The following ITGA11 variants were observed in gnomAD, a reference collection of about 807,000 sequenced individuals.
The protein encoded by ITGA11 is integrin alpha-11.
A neutral mutation model predicts 141.9 loss-of-function variants in ITGA11; 97 were observed. The ratio of observed to expected loss-of-function variants is 0.68; its 90% confidence interval spans 0.58 to 0.81. The LOEUF (loss-of-function observed/expected upper bound fraction) is 0.81. Among genes scored for constraint, ITGA11 ranks in the 30% least tolerant of loss-of-function variants. The pLI is 0.00. For missense variants in ITGA11, 1,387 were observed against 1,559.2 expected (o/e 0.89, Z 1.86); for synonymous variants, 658 against 624.6 (o/e 1.05, Z -0.80).
intron 2 of ITGA11, among the ~76,000 whole-genome samples, chr15:68,369,717 T>C (rs1895529463): frequency 6.6e-6 from 1 of 152,244 alleles, no homozygotes. Context: ...TGTCATTACC[T>C]GAAAGGGCCC....
At chr15:68,371,957 T>C (rs561638689) in intron 2 of ITGA11, among the ~76,000 whole-genome samples, 3 of 152,136 alleles carry the variant, frequency 2.0e-5, no homozygotes, top group African/African-American at 7.2e-5. Flanking sequence ...CAGACCTCAT[T>C]TCTCTGGGAG....
At position 68,303,075 on chromosome 15, in the gene ITGA11, G is replaced by A. The variant is rs996887406; in HGVS notation, c.3551C>T (p.Pro1184Leu). 2 of 1,550,010 alleles carry A rather than the reference G, an allele frequency of 1.3e-6. No homozygotes were observed. Among genetic ancestry groups the A allele is most frequent in the Admixed American group, 2.0e-5 (1 of 50,956 alleles). Residue 1184 changes from proline to leucine, a missense_variant, in exon 30 of 30, where the codon CCC becomes CTC. Coordinates refer to ENST00000315757, the MANE Select transcript of ITGA11 (RefSeq NM_001004439.2). The surrounding 1 kb of genome is among the most constrained non-coding windows in gnomAD (Gnocchi z 5.3). ...RRREPGLDPT[P>L]KVLE ...TCTGGAGCCTCACTCCAGCACTTTG[G>A]GGGTGGGGTCCAGACCAGGCTCCCT...
chr15:68,386,414 G>T (rs1475513489), intron 2 of ITGA11, among the ~76,000 whole-genome samples: 1 of 152,172 alleles, frequency 6.6e-6, no homozygotes, highest in Admixed American at 6.5e-5. Context: ...TGGCCACACA[G>T]TGCAGAGTTA....
rs775721685 is a variant in ITGA11, at chr15:68,325,175, C to T, written c.2278G>A (p.Gly760Ser). 1.9e-6 allele frequency: 3 copies of T among 1,613,820 alleles called. No individual in the cohort carries two copies. The highest frequency in any genetic ancestry group is 2.2e-5 in the East Asian group (1 of 44,890). ...VEYSLEDPDHGPMLDDGWPTT... is the reference protein window; with the variant it reads ...VEYSLEDPDHSPMLDDGWPTT... Reference sequence around the variant, plus strand: ...GGCCAGCCGTCGTCCAGCATGGGGCCATGGTCAGGGTCCTCCAGGGAATAC... The same window carrying T: ...GGCCAGCCGTCGTCCAGCATGGGGCTATGGTCAGGGTCCTCCAGGGAATAC... Residue 760 changes from glycine to serine, a missense_variant, in exon 18 of 30, where the codon GGC (glycine) becomes AGC (serine). Physicochemically the swap from Gly to Ser is moderately conservative, Grantham distance 56. Coordinates refer to ENST00000315757, the MANE Select transcript of ITGA11 (RefSeq NM_001004439.2). The surrounding 1 kb of genome is among the most constrained non-coding windows in gnomAD (Gnocchi z 5.5).
intron 1 of ITGA11, among the ~76,000 whole-genome samples, chr15:68,405,107 T>G (rs1896613919): frequency 1.3e-5 from 2 of 149,828 alleles, no homozygotes; most frequent in South Asian, 4.2e-4. Context: ...CTGGGGCACC[T>G]ACTTTAATAA....
chr15:68,335,268 G>A lies in ITGA11; in HGVS notation c.1425+429C>T, dbSNP rs536020437. Among the ~76,000 whole-genome samples the A allele has an allele frequency of 1.0e-3, 154 of 152,256 alleles. No homozygotes were observed. The highest frequency in any genetic ancestry group is 3.5e-3 in the African/African-American group (146 of 41,546). The stretch of plus-strand genomic sequence containing the variant: ...GAATTTGCCATAGAACCCTGGGAAA[G>A]CCACCTTGCTTCCCAGGAGCCCAGT... On this transcript the variant is annotated intron_variant, in intron 12 of 29. Transcript: ENST00000315757. The surrounding 1 kb of genome is among the most constrained non-coding windows in gnomAD (Gnocchi z 4.9).
intron 11 of ITGA11, among the ~76,000 whole-genome samples, chr15:68,337,731 C>T (rs369261764): frequency 3.9e-5 from 3 of 77,466 alleles, no homozygotes; most frequent in African/African-American, 8.1e-5. Context: ...TCCCTGTTGC[C>T]AACATGAAAA....
intron 10 of ITGA11, chr15:68,340,795 A>T (rs1356666222): frequency 6.6e-6 from 1 of 152,214 alleles, no homozygotes; most frequent in Non-Finnish European, 1.5e-5. Flanking sequence ...CGACATACCT[A>T]CTGGGTACAG....
chr15:68,419,543 G>GTACC (rs1309272766), intron 1 of ITGA11, among the ~76,000 whole-genome samples: 2 of 152,190 alleles, frequency 1.3e-5, no homozygotes, highest in Admixed American at 6.5e-5. Flanking sequence ...CGTACTGAGT[G>GTACC]TACCCATTGT....
chr15:68,321,165 C>CTTT lies in ITGA11; in HGVS notation c.2408+250_2408+252dup, dbSNP rs75833921. ...AATGTGGGCTCCGAAGAAAGGGTTT[C>CTTT]TTTTTTTTTTTTTTTTTAACAAAAT... On this transcript the variant is annotated intron_variant, in intron 19 of 29. Coordinates refer to ENST00000315757, the MANE Select transcript of ITGA11 (RefSeq NM_001004439.2). This position sits in a 1 kb window ranked among gnomAD's most constrained non-coding sequence, Gnocchi z 4.9. Among the ~76,000 whole-genome samples the CTTT allele has an allele frequency of 6.8e-6, 1 of 146,190 alleles. No homozygotes were observed. Among genetic ancestry groups the CTTT allele is most frequent in the East Asian group, 2.0e-4 (1 of 5,040 alleles).
chr15:68,315,447 C>T (rs1049891631), intron 22 of ITGA11, among the ~76,000 whole-genome samples: 1 of 152,200 alleles, frequency 6.6e-6, no homozygotes, highest in Non-Finnish European at 1.5e-5. Context: ...AGAGTGGTGG[C>T]AACACAGGGG....
At chr15:68,414,348 A>G (rs79621656) in intron 1 of ITGA11, among the ~76,000 whole-genome samples, 2 of 152,156 alleles carry the variant, frequency 1.3e-5, no homozygotes, top group African/African-American at 4.8e-5. Flanking sequence ...GCTAAGGTCA[A>G]AGGCCACAGG....
intron 2 of ITGA11, among the ~76,000 whole-genome samples, chr15:68,396,831 A>G (rs1292152673): frequency 7.1e-6 from 1 of 141,566 alleles, no homozygotes; most frequent in Non-Finnish European, 1.5e-5. Flanking sequence ...AAATATAAAT[A>G]TATAATATGT....
rs1893925652 is a variant in ITGA11, at chr15:68,325,033, C to T, written c.2322+98G>A. Reference sequence around the variant, plus strand: ...GGGAAGGTGAGATGAGGGATGGTGTCCTCTGTACCCGGCACACTCAGGCTC... The same window carrying T: ...GGGAAGGTGAGATGAGGGATGGTGTTCTCTGTACCCGGCACACTCAGGCTC... On this transcript the variant is annotated intron_variant, in intron 18 of 29. Transcript: ENST00000315757. This position sits in a 1 kb window ranked among gnomAD's most constrained non-coding sequence, Gnocchi z 5.5. 1 of 877,026 alleles carries T rather than the reference C, an allele frequency of 1.1e-6. No homozygotes were observed. The highest frequency in any genetic ancestry group is 1.9e-6 in the Non-Finnish European group (1 of 521,600). The allele number at this position is 877,026 out of a possible 1,614,324, so 54.3% of individuals were successfully genotyped here. A position where few individuals can be genotyped will look rare whatever the true frequency, so the allele number is the denominator to read the frequency against.
In ITGA11 at chr15:68,361,570, G is replaced by A. The variant is rs547302483; in HGVS notation, c.472+20C>T. ...ACTGTCCACTGCTCAGCTTGAGGTT[G>A]CAGATTTGAAGCCACTTACTTTGGA... On this transcript the variant is annotated intron_variant, in intron 5 of 29. Transcript: ENST00000315757. The A allele has an allele frequency of 1.3e-6, 2 of 1,514,048 alleles. No individual in the cohort carries two copies. The highest frequency in any genetic ancestry group is 1.4e-5 in the African/African-American group (1 of 73,014). The allele number at this position is 1,514,048 out of a possible 1,614,324, so 93.8% of individuals were successfully genotyped here. A position where few individuals can be genotyped will look rare whatever the true frequency, so the allele number is the denominator to read the frequency against.
At chr15:68,413,313 A>G (rs1213771790) in intron 1 of ITGA11, among the ~76,000 whole-genome samples, 3 of 152,142 alleles carry the variant, frequency 2.0e-5, no homozygotes, top group East Asian at 3.9e-4. Flanking sequence ...CTCTCTTCAT[A>G]CTTATCTATG....
chr15:68,396,653 T>C lies in ITGA11; in HGVS notation c.164+6265A>G, dbSNP rs143396690. Among the ~76,000 whole-genome samples, 434 of 151,492 alleles carry C rather than the reference T, an allele frequency of 2.9e-3. 6 individuals are homozygous for C. Among genetic ancestry groups the C allele is most frequent in the African/African-American group, 0.01 (424 of 41,426 alleles). On this transcript the variant is annotated intron_variant, in intron 2 of 29. Transcript: ENST00000315757. Reference sequence around the variant, plus strand: ...ACTGTAATTATTTCAAATGATCTGATTGTATATGTAGAAAATCCAAAGGAA... The same window carrying C: ...ACTGTAATTATTTCAAATGATCTGACTGTATATGTAGAAAATCCAAAGGAA...
In ITGA11 at chr15:68,352,998, T is replaced by C. The variant is rs147968010; in HGVS notation, c.750-1596A>G. ...AAGTTATAGTCTGCCAATAAGGATCTAAAAATAAATGTTAGTCTTAGACTC... is the reference window on the plus strand; with the variant it reads ...AAGTTATAGTCTGCCAATAAGGATCCAAAAATAAATGTTAGTCTTAGACTC... On this transcript the variant is annotated intron_variant, in intron 7 of 29. Transcript: ENST00000315757. 6.7e-3 allele frequency among the ~76,000 whole-genome samples: 1,020 copies of C among 152,302 alleles called. 14 individuals carry two copies. The highest frequency in any genetic ancestry group is 0.021 in the African/African-American group (884 of 41,548).
At chr15:68,371,486 G>A (rs1177660594) in intron 2 of ITGA11, among the ~76,000 whole-genome samples, 1 of 152,182 alleles carries the variant, frequency 6.6e-6, no homozygotes, top group African/African-American at 2.4e-5. Context: ...GCTGAGGTAG[G>A]TGGATCACCT....
Sources: gnomAD v4.1 joint callset for allele counts (sites outside exome capture counted in the v4.1 genomes callset) on GRCh38, gnomAD v4.1.1 for gene constraint, Gnocchi (gnomAD v3.1) non-coding constraint, MANE v1.5 for transcripts, NCBI Gene and HGNC (gene_info 2026-07-23, HGNC 2026-07-21) for gene names.